Variants in CCDC102A observed in about 807,000 individuals in gnomAD.
CCDC102A encodes the protein coiled-coil domain-containing protein 102A.
In CCDC102A, 40 loss-of-function variants were observed where a neutral mutation model predicts 55.5. The ratio of observed to expected loss-of-function variants is 0.72; its 90% CI spans 0.56 to 0.94. CCDC102A has a LOEUF of 0.94. Among genes scored for constraint, CCDC102A ranks in the 40% least tolerant of loss-of-function variants. The pLI, the probability that CCDC102A is intolerant of heterozygous loss-of-function variation, is 0.00. For synonymous variants in CCDC102A, 323 were observed against 339.0 expected (o/e 0.95, Z 0.52); for missense variants, 779 against 768.6 (o/e 1.01, Z -0.16).
In CCDC102A at chr16:57,515,451, G is replaced by A. The variant is rs201567678; in HGVS notation, c.1420-7C>T. 8.2e-5 allele frequency: 130 copies of A among 1,586,392 alleles called. No individual in the cohort carries two copies. In the East Asian group the frequency reaches 2.3e-3, roughly 29 times the overall value. Reference sequence around the variant, plus strand: ...GGTTGTGGGCCTCGTCCAGCTGTGGGGGTGAGCAGGGCCGAAAGCACGAGG... The same window carrying A: ...GGTTGTGGGCCTCGTCCAGCTGTGGAGGTGAGCAGGGCCGAAAGCACGAGG... On this transcript the variant is annotated splice_polypyrimidine_tract_variant and splice_region_variant and intron_variant, in intron 7 of 8. Coordinates refer to ENST00000258214, the MANE Select transcript of CCDC102A (RefSeq NM_033212.4).
At chr16:57,518,944 C>A (rs2032003674) in intron 4 of CCDC102A, among the ~76,000 whole-genome samples, 1 of 152,204 alleles carries the variant, frequency 6.6e-6, no homozygotes, top group African/African-American at 2.4e-5. Flanking sequence ...TACTGTCTAG[C>A]CTCCCAGTGT....
At chr16:57,520,611 T>A (rs922447496) in intron 4 of CCDC102A, among the ~76,000 whole-genome samples, 11,421 of 129,320 alleles carry the variant, frequency 0.088, 566 homozygotes, top group African/African-American at 0.13. Context: ...ATAAAATAAA[T>A]AAAATAAAAT....
chr16:57,517,400 G>A (rs1398503243), intron 6 of CCDC102A, among the ~76,000 whole-genome samples: 1 of 152,082 alleles, frequency 6.6e-6, no homozygotes, highest in Non-Finnish European at 1.5e-5. Flanking sequence ...AGGCTGGGGT[G>A]CAGTGGTGCA....
chr16:57,532,177 C>G (rs1180362994), intron 1 of CCDC102A, among the ~76,000 whole-genome samples: 5 of 152,196 alleles, frequency 3.3e-5, no homozygotes, highest in Admixed American at 2.0e-4. Flanking sequence ...ACACTTGGCC[C>G]TATACCCGAG....
At chr16:57,525,134 C>G (rs1403912744) in intron 3 of CCDC102A, among the ~76,000 whole-genome samples, 1 of 151,986 alleles carries the variant, frequency 6.6e-6, no homozygotes, top group Non-Finnish European at 1.5e-5. Context: ...CTTGCTCTGT[C>G]GCCCAGGATG....
intron 8 of CCDC102A, among the ~76,000 whole-genome samples, 177 bp downstream of exon 8, chr16:57,515,164 C>T (rs550817869): frequency 2.0e-5 from 3 of 152,198 alleles, no homozygotes; most frequent in African/African-American, 7.2e-5. Context: ...CCTGCACCCC[C>T]TGCCCTGGTT....
rs1281826900 is a variant in CCDC102A, at chr16:57,526,102, A to G, written c.611T>C (p.Leu204Pro). The change falls in exon 3 of 9, where the codon CTG becomes CCG. Residue 204 changes from leucine to proline, a missense_variant. Leu to Pro is a moderately conservative substitution (Grantham distance 98). Coordinates refer to ENST00000258214, the MANE Select transcript of CCDC102A (RefSeq NM_033212.4). ...SQELELVESL[L>P]KSMPEESEDC... Reference sequence around the variant, plus strand: ...CTCAGACTCCTCTGGCATGCTCTTCAGCAGGCTCTCCACCAGCTCCAGTTC... The same window carrying G: ...CTCAGACTCCTCTGGCATGCTCTTCGGCAGGCTCTCCACCAGCTCCAGTTC... 6.4e-7 allele frequency: 1 copy of G among 1,560,476 alleles called. No individual in the cohort carries two copies. The highest frequency in any genetic ancestry group is 2.3e-5 in the East Asian group (1 of 43,486).
At chr16:57,515,251 C>A (rs558005475) in intron 8 of CCDC102A, 90 bp downstream of exon 8, 18 of 812,902 alleles carry the variant, frequency 2.2e-5, no homozygotes, top group Non-Finnish European at 3.5e-5. Context: ...TTCGTCTCCC[C>A]CTCCAGCCTT....
intron 2 of CCDC102A, 135 bp downstream of exon 2, chr16:57,528,458 T>G: frequency 1.7e-6 from 1 of 583,688 alleles, no homozygotes; most frequent in South Asian, 7.8e-5. Context: ...CCCGCAAGGG[T>G]AGAACCCGAC....
chr16:57,527,702 G>A (rs1351419205), intron 2 of CCDC102A, among the ~76,000 whole-genome samples: 1 of 152,162 alleles, frequency 6.6e-6, no homozygotes, highest in Non-Finnish European at 1.5e-5. Context: ...TTACAGGCGT[G>A]AACCACCACG....
chr16:57,530,626 A>G (rs2032238635), intron 1 of CCDC102A, among the ~76,000 whole-genome samples: 1 of 152,028 alleles, frequency 6.6e-6, no homozygotes, highest in South Asian at 2.1e-4. Context: ...GAAGCTGTCA[A>G]GCCCCACGGC....
intron 5 of CCDC102A, 135 bp from the exon 6 acceptor site, chr16:57,518,412 T>C: frequency 1.1e-6 from 1 of 884,030 alleles, no homozygotes; most frequent in South Asian, 1.6e-5. Context: ...GTAATTAAGC[T>C]GGGCTCATTT....
In CCDC102A at chr16:57,518,169, C is replaced by G. The variant is rs144945819; in HGVS notation, c.1147G>C (p.Gly383Arg). 1 of 1,612,356 alleles carries G rather than the reference C, an allele frequency of 6.2e-7. No homozygotes were observed. The highest frequency in any genetic ancestry group is 1.3e-5 in the African/African-American group (1 of 75,064). The change falls in exon 6 of 9, where the codon GGA (glycine) becomes CGA (arginine). Residue 383 changes from glycine to arginine, a missense_variant. By Grantham distance (125) the Gly-to-Arg change is moderately radical. Coordinates refer to ENST00000258214, the MANE Select transcript of CCDC102A (RefSeq NM_033212.4). ...CGGGCCAGCGCCTCCTCCAGGTCTC[C>G]GACCTGTGCCCGCAGCTTCTTGTTC... ...RENKKLRAQV[G>R]DLEEALARRR...
Position 57,518,250 on chromosome 16 carries a change from C to G in CCDC102A, c.1066G>C (p.Ala356Pro), listed in dbSNP as rs760165278. The G allele has an allele frequency of 3.1e-6, 5 of 1,610,684 alleles. No individual in the cohort carries two copies. Among genetic ancestry groups the G allele is most frequent in the Non-Finnish European group, 4.2e-6 (5 of 1,179,918 alleles). Reference sequence around the variant, plus strand: ...AGCCGCTCCCGGCGGCCCCACTCCGCAGCGTTTTCGGCCTGCAGCCGCTCC... The same window carrying G: ...AGCCGCTCCCGGCGGCCCCACTCCGGAGCGTTTTCGGCCTGCAGCCGCTCC... ...EMERLQAENA[A>P]EWGRRERLET... Residue 356 changes from alanine (A) to proline (P), a missense_variant, in exon 6 of 9, where the codon GCG becomes CCG. Ala to Pro is a conservative substitution (Grantham distance 27). Coordinates refer to ENST00000258214, the MANE Select transcript of CCDC102A (RefSeq NM_033212.4).
At chr16:57,525,810 T>A in intron 3 of CCDC102A, 91 bp downstream of exon 3, 1 of 1,159,466 alleles carries the variant, frequency 8.6e-7, no homozygotes, top group Non-Finnish European at 1.3e-6. Flanking sequence ...ACACTACCTG[T>A]CATCTTCGTG....
intron 8 of CCDC102A, among the ~76,000 whole-genome samples, chr16:57,513,404 C>A (rs868425353): frequency 6.6e-6 from 1 of 152,158 alleles, no homozygotes; most frequent in African/African-American, 2.4e-5. Flanking sequence ...CCTCCCCCAA[C>A]CCCCCAGCAA....
At chr16:57,536,819 C>A (rs886916952), upstream of CCDC102A, among the ~76,000 whole-genome samples, 5 of 152,114 alleles carry the variant, frequency 3.3e-5, no homozygotes, top group African/African-American at 1.2e-4. Flanking sequence ...CGTGAGGGGC[C>A]GAGAGTTGCG....
At chr16:57,517,007 C>A (rs1367691709) in intron 6 of CCDC102A, among the ~76,000 whole-genome samples, 1 of 152,108 alleles carries the variant, frequency 6.6e-6, no homozygotes, top group East Asian at 1.9e-4. Context: ...CCTTTTTGTT[C>A]CATCTCTACT....
Position 57,516,237 on chromosome 16 carries a change from C to A in CCDC102A, c.1419+56G>T. 10 of 1,557,564 alleles carry A rather than the reference C, an allele frequency of 6.4e-6. No homozygotes were observed. Among genetic ancestry groups the A allele is most frequent in the Non-Finnish European group, 8.7e-6 (10 of 1,146,734 alleles). ...GGAGAAGCCAGGATGGCCCTGCGGC[C>A]CCCACTCCTCCCTGGCCAAGGTCTG... On this transcript the variant is annotated intron_variant, in intron 7 of 8. Transcript: ENST00000258214. The surrounding 1 kb of genome is among the most constrained non-coding windows in gnomAD (Gnocchi z 4.4).
Sources: allele counts gnomAD v4.1 joint callset (sites outside exome capture counted in the v4.1 genomes callset), GRCh38; gene constraint gnomAD v4.1.1; non-coding constraint Gnocchi (gnomAD v3.1); transcripts MANE v1.5; gene names NCBI Gene and HGNC (gene_info 2026-07-23, HGNC 2026-07-21).